WDFY3: variants seen among roughly 807,000 people sequenced by gnomAD.
WDFY3 encodes WD repeat and FYVE domain-containing protein 3.
A neutral mutation model predicts 409.6 loss-of-function variants in WDFY3; 66 were observed. The ratio of observed to expected loss-of-function variants is 0.16; its 90% CI spans 0.13 to 0.20. WDFY3 has a LOEUF of 0.20. Ranked by LOEUF, WDFY3 falls within the 10% of genes least tolerant of loss-of-function variation. The pLI is 1.00. For missense variants in WDFY3, 3,031 were observed against 4,298.1 expected, an observed-to-expected ratio of 0.71 and a Z score of 8.24; for synonymous variants, 1,521 against 1,537.1, an observed-to-expected ratio of 0.99 and a Z score of 0.25.
At chr4:84,963,971 T>C (rs1056688217) in intron 1 of WDFY3, among the ~76,000 whole-genome samples, 4 of 152,264 alleles carry the variant, frequency 2.6e-5, no homozygotes, top group African/African-American at 4.8e-5. Context: ...AATCATCAAA[T>C]GTAATTTAAA....
At chr4:84,937,960 T>C (rs1771642326) in intron 1 of WDFY3, among the ~76,000 whole-genome samples, 1 of 152,170 alleles carries the variant, frequency 6.6e-6, no homozygotes, top group African/African-American at 2.4e-5. Context: ...ATACCTGTGA[T>C]AAAATTTAAT....
At chr4:84,803,699 T>C (rs909714493) in intron 15 of WDFY3, among the ~76,000 whole-genome samples, 1 of 152,090 alleles carries the variant, frequency 6.6e-6, no homozygotes, top group African/African-American at 2.4e-5. Flanking sequence ...CTTTATATGA[T>C]TTTTACTTTT....
At chr4:84,777,602 G>T (rs1233794349) in intron 27 of WDFY3, among the ~76,000 whole-genome samples, 2 of 152,022 alleles carry the variant, frequency 1.3e-5, no homozygotes, top group African/African-American at 4.8e-5. Context: ...AAAATACAGT[G>T]TCAGTAAAGC....
chr4:84,790,133 T>C (rs895534253), intron 21 of WDFY3, among the ~76,000 whole-genome samples: 1 of 152,074 alleles, frequency 6.6e-6, no homozygotes, highest in Admixed American at 6.6e-5. Context: ...GCGGATCACC[T>C]GACGTCAGGA....
chr4:84,706,599 C>CA (rs1483991676), intron 53 of WDFY3, among the ~76,000 whole-genome samples: 1 of 149,098 alleles, frequency 6.7e-6, no homozygotes, highest in Non-Finnish European at 1.5e-5. Context: ...AGCTATAGGG[C>CA]AGTGTGGGAA....
In WDFY3 at chr4:84,737,272, T is replaced by C. The variant is rs775720214; in HGVS notation, c.6669A>G (p.Leu2223=). ...CCACGTGGCCCCTTTCATTCACAGGTAGAGTTACTTTGAAAAGTTCCTCTA... is the reference window on the plus strand; with the variant it reads ...CCACGTGGCCCCTTTCATTCACAGGCAGAGTTACTTTGAAAAGTTCCTCTA... ...QVLEELFKVT[L]PVNERGHVDI... Residue 2223 remains leucine, a synonymous_variant, in exon 41 of 68, where the codon CTA becomes CTG. Transcript: ENST00000295888. 1.2e-6 allele frequency: 2 copies of C among 1,614,142 alleles called. No homozygotes were observed. The highest frequency in any genetic ancestry group is 1.7e-6 in the Non-Finnish European group (2 of 1,180,020).
intron 27 of WDFY3, among the ~76,000 whole-genome samples, chr4:84,777,390 T>C (rs567097338): frequency 3.3e-5 from 5 of 151,504 alleles, no homozygotes; most frequent in Non-Finnish European, 5.9e-5. Flanking sequence ...AATGAAAACA[T>C]TGCTGCAAGA....
chr4:84,882,674 G>A (rs1479693357), intron 3 of WDFY3, among the ~76,000 whole-genome samples: 3 of 151,504 alleles, frequency 2.0e-5, no homozygotes, highest in South Asian at 2.1e-4. Context: ...ACTTGTCAGT[G>A]GATTTATACC....
At position 84,733,387 on chromosome 4, in the gene WDFY3, C is replaced by T. The variant is rs1349447247; in HGVS notation, c.7216G>A (p.Val2406Met). Residue 2406 changes from valine to methionine, a missense_variant, in exon 44 of 68, where the codon GTG becomes ATG. By Grantham distance (21) the Val-to-Met change is conservative. This residue lies in a region of WDFY3 where 127 missense variants were observed against 144.4 expected (regional missense o/e 0.88). Transcript: ENST00000295888. ...ATTGAATTCTGCATACTCACCGCCACATTTGTCTCTTGCTCAGTTTCTGGC... is the reference window on the plus strand; with the variant it reads ...ATTGAATTCTGCATACTCACCGCCATATTTGTCTCTTGCTCAGTTTCTGGC... ...YVPETEQETNVASEIPSKQPE... is the reference protein window; with the variant it reads ...YVPETEQETNMASEIPSKQPE... 1 of 1,613,900 alleles carries T rather than the reference C, an allele frequency of 6.2e-7. No individual in the cohort carries two copies. Among genetic ancestry groups the T allele is most frequent in the Non-Finnish European group, 8.5e-7 (1 of 1,179,918 alleles).
At chr4:84,715,546 G>A (rs1313050141) in intron 49 of WDFY3, among the ~76,000 whole-genome samples, 163 bp from the exon 50 acceptor site, 3 of 151,882 alleles carry the variant, frequency 2.0e-5, no homozygotes, top group East Asian at 1.9e-4. Context: ...AGGCCAAGGC[G>A]GGTGGATCAC....
At chr4:84,816,380 C>T (rs1753300844) in intron 13 of WDFY3, among the ~76,000 whole-genome samples, 1 of 152,114 alleles carries the variant, frequency 6.6e-6, no homozygotes, top group Non-Finnish European at 1.5e-5. Flanking sequence ...GATCTAGACT[C>T]CTCTACCTAC....
At chr4:84,745,614 C>T (rs1739298297) in intron 36 of WDFY3, among the ~76,000 whole-genome samples, 1 of 152,072 alleles carries the variant, frequency 6.6e-6, no homozygotes, top group Non-Finnish European at 1.5e-5. Context: ...TGAGACTATT[C>T]ATTTTGTTTT....
Position 84,906,804 on chromosome 4 carries a change from G to A in WDFY3, c.-131-9794C>T, listed in dbSNP as rs990269003. On this transcript the variant is annotated intron_variant, in intron 2 of 67. Coordinates refer to ENST00000295888, the MANE Select transcript of WDFY3 (RefSeq NM_014991.6). ...TTTTTTTTTTAGCTCATCAGCCATC[G>A]TTAGTGCTGGTATATTTTATATGTG... Among the ~76,000 whole-genome samples, 174 of 145,906 alleles carry A rather than the reference G, an allele frequency of 1.2e-3. 2 individuals are homozygous for A. The highest frequency in any genetic ancestry group is 4.1e-3 in the African/African-American group (162 of 39,270).
At chr4:84,704,761 T>C (rs568043698) in intron 54 of WDFY3, among the ~76,000 whole-genome samples, 2 of 152,352 alleles carry the variant, frequency 1.3e-5, no homozygotes, top group Non-Finnish European at 2.9e-5. Context: ...GATATTGACT[T>C]ATAGTTTTTA....
chr4:84,705,504 T>G lies in WDFY3; in HGVS notation c.8225A>C (p.Asp2742Ala). 6.2e-7 allele frequency: 1 copy of G among 1,613,262 alleles called. No individual in the cohort carries two copies. Among genetic ancestry groups the G allele is most frequent in the Non-Finnish European group, 8.5e-7 (1 of 1,179,348 alleles). The change falls in exon 54 of 68, where the codon GAT (aspartate) becomes GCT (alanine). Residue 2742 changes from aspartate (D) to alanine (A), a missense_variant. Around this residue, in one of 16 missense-constraint regions of WDFY3, gnomAD observed 129 missense variants for 305.3 expected, o/e 0.42. Transcript: ENST00000295888. ...TCTAAACGTCTTGGGATTAGTAAGA[T>G]CCACCTCCTAAAATACAAAATGTAA... ...ILADYDSEEV[D>A]LTNPKTFRNL... is the part of the protein sequence containing the mutation.
In WDFY3 at chr4:84,850,926, C is replaced by CTTTTT. The variant is rs781440189; in HGVS notation, c.181-902_181-901insAAAAA. Among the ~76,000 whole-genome samples the CTTTTT allele has an allele frequency of 7.5e-4, 24 of 32,162 alleles. 2 individuals are homozygous for CTTTTT. The highest frequency in any genetic ancestry group is 1.1e-3 in the Non-Finnish European group (18 of 16,920). The allele number at this position is 32,162 out of a possible 152,430, so 21.1% of individuals were successfully genotyped here. A position where few individuals can be genotyped will look rare whatever the true frequency, so the allele number is the denominator to read the frequency against. On this transcript the variant is annotated intron_variant, in intron 4 of 67. Coordinates refer to ENST00000295888, the MANE Select transcript of WDFY3 (RefSeq NM_014991.6). ...AATTCTTATTTTTAATTTTATTTAT[C>CTTTTT]TGTTTTTTTTTTTTTTTTTTTTTTT...
chr4:84,685,501 T>C lies in WDFY3; in HGVS notation c.9544-1376A>G, dbSNP rs535369974. ...CATTTCTGACTATAAGTGTCAGCAA[T>C]TGAGTTTTAATTAGTGGCTTTAGTC... On this transcript the variant is annotated intron_variant, in intron 62 of 67. Coordinates refer to ENST00000295888, the MANE Select transcript of WDFY3 (RefSeq NM_014991.6). 6.0e-4 allele frequency among the ~76,000 whole-genome samples: 91 copies of C among 152,352 alleles called. 1 individual carries two copies. The highest frequency in any genetic ancestry group is 2.0e-3 in the African/African-American group (83 of 41,578).
chr4:84,815,792 C>T (rs913651391), intron 13 of WDFY3, among the ~76,000 whole-genome samples: 3 of 152,034 alleles, frequency 2.0e-5, no homozygotes, highest in African/African-American at 7.2e-5. Context: ...CATTTAGTTA[C>T]GGTAGGGTCC....
In WDFY3 at chr4:84,741,864, T is replaced by C. The variant is rs757036546; in HGVS notation, c.6131A>G (p.Asn2044Ser). The change falls in exon 38 of 68, where the codon AAT (asparagine) becomes AGT (serine). Residue 2044 changes from asparagine (N) to serine (S), a missense_variant. Asn to Ser is a conservative substitution (Grantham distance 46). Coordinates refer to ENST00000295888, the MANE Select transcript of WDFY3 (RefSeq NM_014991.6). ...CACACGCTGTGTGAAATAAAACACATTGTTCACCAATACCTGGTAGCTTCC... is the reference window on the plus strand; with the variant it reads ...CACACGCTGTGTGAAATAAAACACACTGTTCACCAATACCTGGTAGCTTCC... ...SGGSYQVLVN[N>S]VFYFTQRVVD... 64 of 1,612,524 alleles carry C rather than the reference T, an allele frequency of 4.0e-5. No individual in the cohort carries two copies. Among genetic ancestry groups the C allele is most frequent in the Admixed American group, 8.3e-5 (5 of 59,968 alleles).
Sources: gnomAD v4.1 joint callset for allele counts (sites outside exome capture counted in the v4.1 genomes callset) on GRCh38, gnomAD v4.1.1 for gene constraint, gnomAD v4.1.1 regional missense constraint, MANE v1.5 for transcripts, NCBI Gene and HGNC (gene_info 2026-07-23, HGNC 2026-07-21) for gene names.